The following CAB39 variants were observed in gnomAD, a reference collection of about 807,000 sequenced individuals.
CAB39 encodes the protein calcium-binding protein 39.
A neutral mutation model predicts 40.0 loss-of-function variants in CAB39; 8 were observed. The ratio of observed to expected loss-of-function variants is 0.20; its 90% confidence interval spans 0.12 to 0.36. The LOEUF (loss-of-function observed/expected upper bound fraction) is 0.36, where lower values mean the gene tolerates loss of function less well. Among genes scored for constraint, CAB39 ranks in the 10% least tolerant of loss-of-function variants. The pLI is 1.00. For synonymous variants in CAB39, 156 were observed against 141.6 expected (o/e 1.10, Z -0.72); for missense variants, 270 against 401.1 (o/e 0.67, Z 2.79).
intron 1 of CAB39, among the ~76,000 whole-genome samples, chr2:230,726,724 AACCT>A (rs1694579298): frequency 6.6e-6 from 1 of 151,974 alleles, no homozygotes; most frequent in Non-Finnish European, 1.5e-5. Context: ...GATTGTTGCT[AACCT>A]ATTCATTTAC....
At chr2:230,774,534 G>A (rs574831221) in intron 2 of CAB39, among the ~76,000 whole-genome samples, 6 of 152,142 alleles carry the variant, frequency 3.9e-5, no homozygotes, top group Non-Finnish European at 8.8e-5. Flanking sequence ...GTGTATGTGG[G>A]GACTATTTAC....
intron 1 of CAB39, among the ~76,000 whole-genome samples, chr2:230,739,801 T>G (rs1049795679): frequency 6.6e-6 from 1 of 152,224 alleles, no homozygotes; most frequent in South Asian, 2.1e-4. Flanking sequence ...GCCTCTAATT[T>G]GAAGTCTTAA....
intron 5 of CAB39, among the ~76,000 whole-genome samples, chr2:230,802,584 C>T (rs62193647): frequency 0.018 from 2,773 of 152,128 alleles, 43 homozygotes; most frequent in Non-Finnish European, 0.027. Flanking sequence ...AGATCACCAC[C>T]GATCCCACAG....
At chr2:230,784,303 T>C (rs1031962521) in intron 2 of CAB39, among the ~76,000 whole-genome samples, 2 of 152,218 alleles carry the variant, frequency 1.3e-5, no homozygotes, top group African/African-American at 4.8e-5. Context: ...ATTTTAGATG[T>C]ATTCGATTTG....
intron 1 of CAB39, among the ~76,000 whole-genome samples, chr2:230,714,787 G>C (rs554365533): frequency 6.6e-6 from 1 of 152,272 alleles, no homozygotes; most frequent in African/African-American, 2.4e-5. Flanking sequence ...TTATTTTGTA[G>C]TTTGTTCAAA....
intron 1 of CAB39, among the ~76,000 whole-genome samples, chr2:230,756,039 C>T (rs1468792552): frequency 6.6e-6 from 1 of 152,138 alleles, no homozygotes; most frequent in Non-Finnish European, 1.5e-5. Flanking sequence ...GCAGCGTCCC[C>T]CCCGGGAGAA....
chr2:230,795,134 G>A (rs1486332710), intron 4 of CAB39, among the ~76,000 whole-genome samples: 1 of 151,994 alleles, frequency 6.6e-6, no homozygotes, highest in African/African-American at 2.4e-5. Context: ...AAATTAGCCG[G>A]GTGTGGTGGC....
intron 2 of CAB39, among the ~76,000 whole-genome samples, chr2:230,769,897 C>T (rs1695453860): frequency 6.6e-6 from 1 of 151,550 alleles, no homozygotes; most frequent in South Asian, 2.1e-4. Context: ...GTGGAGGCTG[C>T]AGTGAGCTGA....
At chr2:230,813,844 G>C (rs1164640783) in intron 6 of CAB39, 3 of 464,668 alleles carry the variant, frequency 6.5e-6, no homozygotes, top group Non-Finnish European at 1.1e-5. Flanking sequence ...GGATTGGTGG[G>C]ATCACCTGAG....
Position 230,814,060 on chromosome 2 carries a change from A to C in CAB39, c.639A>C (p.Glu213Asp). Residue 213 changes from glutamate (E) to aspartate (D), a missense_variant, in exon 7 of 9, where the codon GAA becomes GAC. Transcript: ENST00000258418. ...LEQHYDRFFS[E>D]YEKLLHSENY... Reference sequence around the variant, plus strand: ...CTCTTATCTTTTAGTTTTTCAGTGAATATGAGAAGTTACTTCATTCAGAAA... The same window carrying C: ...CTCTTATCTTTTAGTTTTTCAGTGACTATGAGAAGTTACTTCATTCAGAAA... 1 of 1,142,276 alleles carries C rather than the reference A, an allele frequency of 8.8e-7. No individual in the cohort carries two copies. The highest frequency in any genetic ancestry group is 1.2e-6 in the Non-Finnish European group (1 of 845,060). 70.8% of individuals were successfully genotyped at this position (1,142,276 alleles called of 1,614,324 possible).
intron 2 of CAB39, among the ~76,000 whole-genome samples, chr2:230,764,163 T>C (rs13420598): frequency 0.36 from 54,793 of 151,840 alleles, 13,745 homozygotes; most frequent in African/African-American, 0.71. Context: ...AAATGGTCCC[T>C]GACTTAAGAT....
At chr2:230,717,409 C>T (rs554876138) in intron 1 of CAB39, among the ~76,000 whole-genome samples, 1 of 152,238 alleles carries the variant, frequency 6.6e-6, no homozygotes, top group African/African-American at 2.4e-5. Context: ...GTTCTGTGCC[C>T]TTAGTGACTT....
intron 2 of CAB39, among the ~76,000 whole-genome samples, chr2:230,768,217 A>G (rs1263488362): frequency 6.6e-6 from 1 of 152,194 alleles, no homozygotes; most frequent in Non-Finnish European, 1.5e-5. Flanking sequence ...GAGTTTATAT[A>G]TTGAATTTGT....
At chr2:230,783,173 T>G (rs1209243049) in intron 2 of CAB39, among the ~76,000 whole-genome samples, 1 of 152,092 alleles carries the variant, frequency 6.6e-6, no homozygotes, top group Non-Finnish European at 1.5e-5. Flanking sequence ...TAGTTGGCTT[T>G]CATTGGGCTC....
intron 2 of CAB39, chr2:230,779,049 C>T (rs1225037113): frequency 6.6e-6 from 1 of 152,056 alleles, no homozygotes; most frequent in African/African-American, 2.4e-5. Context: ...TAGGTGTGAA[C>T]TTTGGGATAC....
intron 7 of CAB39, among the ~76,000 whole-genome samples, chr2:230,815,799 C>T (rs931135161): frequency 8.5e-5 from 13 of 152,158 alleles, no homozygotes; most frequent in Admixed American, 1.3e-4. Context: ...TTTATGTTAG[C>T]GGTGGGCCTG....
intron 1 of CAB39, among the ~76,000 whole-genome samples, chr2:230,746,450 T>A (rs993762186): frequency 6.6e-6 from 1 of 152,240 alleles, no homozygotes; most frequent in African/African-American, 2.4e-5. Flanking sequence ...AGGATGGCTC[T>A]ATAAATAGTG....
At chr2:230,773,286 A>C (rs1043345931) in intron 2 of CAB39, among the ~76,000 whole-genome samples, 2 of 138,484 alleles carry the variant, frequency 1.4e-5, no homozygotes, top group Non-Finnish European at 3.1e-5. Flanking sequence ...TGATGGTTTC[A>C]TGGGTGTATG....
intron 2 of CAB39, among the ~76,000 whole-genome samples, chr2:230,767,328 A>G (rs1013371562): frequency 2.6e-5 from 4 of 151,610 alleles, no homozygotes; most frequent in African/African-American, 4.9e-5. Flanking sequence ...TTATCTGGAG[A>G]AAAAAAAAGT....
Sources: gnomAD v4.1 joint callset for allele counts (sites outside exome capture counted in the v4.1 genomes callset) on GRCh38, gnomAD v4.1.1 for gene constraint, MANE v1.5 for transcripts, NCBI Gene and HGNC (gene_info 2026-07-23, HGNC 2026-07-21) for gene names.